RAD51B: variants seen among roughly 807,000 people sequenced by gnomAD.
RAD51B encodes DNA repair protein RAD51 homolog 2.
A neutral mutation model predicts 42.2 loss-of-function variants in RAD51B; 38 were observed. That is an observed-to-expected ratio of 0.90 (90% CI 0.70 to 1.18). The LOEUF (loss-of-function observed/expected upper bound fraction) is 1.18, where lower values mean the gene tolerates loss of function less well. Ranked by LOEUF, RAD51B falls within the 50% of genes most tolerant of loss-of-function variation. The probability of loss-of-function intolerance (pLI) is 0.00; values close to 1 mark genes in which losing one functional copy is unlikely to be tolerated. For synonymous variants in RAD51B, 154 were observed against 145.2 expected, an observed-to-expected ratio of 1.06 and a Z score of -0.43; for missense variants, 373 against 400.7, an observed-to-expected ratio of 0.93 and a Z score of 0.59.
chr14:68,304,792 T>C (rs2139703682), intron 8 of RAD51B, among the ~76,000 whole-genome samples: 1 of 152,326 alleles, frequency 6.6e-6, no homozygotes, highest in Non-Finnish European at 1.5e-5. Context: ...CCTTTCAGTT[T>C]GCTTCTTCTG....
chr14:68,537,577 T>G (rs1003675249), intron 10 of RAD51B, among the ~76,000 whole-genome samples: 9 of 152,172 alleles, frequency 5.9e-5, no homozygotes, highest in Non-Finnish European at 1.5e-5. Flanking sequence ...CAATATCCTT[T>G]TAAGATCAGT....
At chr14:68,350,214 A>T (rs1212947260) in intron 8 of RAD51B, among the ~76,000 whole-genome samples, 1 of 152,254 alleles carries the variant, frequency 6.6e-6, no homozygotes, top group Non-Finnish European at 1.5e-5. Flanking sequence ...AGGGCTTGTT[A>T]ACGCTGGATA....
intron 4 of RAD51B, among the ~76,000 whole-genome samples, chr14:67,856,498 G>C (rs1381033359): frequency 6.6e-6 from 1 of 152,094 alleles, no homozygotes; most frequent in Non-Finnish European, 1.5e-5. Flanking sequence ...TTAGATGCTG[G>C]AGGTCATTAA....
In RAD51B at chr14:67,886,216, TTATC is replaced by T. The variant is rs374227243; in HGVS notation, c.572+232_572+235del. On this transcript the variant is annotated intron_variant, in intron 6 of 10. Coordinates refer to ENST00000471583, the MANE Select transcript of RAD51B (RefSeq NM_133510.4). ...TTTAATTAATTAAGTGGTGTATTAT[TTATC>T]TATTGTTTCATTAACAAATTGTCTC... Among the ~76,000 whole-genome samples the T allele has an allele frequency of 6.4e-4, 97 of 152,368 alleles. 1 individual carries two copies. Among genetic ancestry groups the T allele is most frequent in the African/African-American group, 1.9e-3 (78 of 41,590 alleles).
Position 68,587,042 on chromosome 14 carries a change from G to C in RAD51B, c.1037-7443G>C, listed in dbSNP as rs115482895. On this transcript the variant is annotated intron_variant, in intron 10 of 10. Transcript: ENST00000487270. Reference sequence around the variant, plus strand: ...TCTGTCTCAAAAAAAAAAAAAATTGGCTCCTTCCAGCTTTGAGATCCTGAG... The same window carrying C: ...TCTGTCTCAAAAAAAAAAAAAATTGCCTCCTTCCAGCTTTGAGATCCTGAG... Among the ~76,000 whole-genome samples, 1,312 of 152,066 alleles carry C rather than the reference G, an allele frequency of 8.6e-3. 15 individuals carry two copies. Among genetic ancestry groups the C allele is most frequent in the African/African-American group, 0.03 (1,225 of 41,448 alleles).
At chr14:68,241,504 T>C (rs751390316) in intron 7 of RAD51B, among the ~76,000 whole-genome samples, 3 of 152,114 alleles carry the variant, frequency 2.0e-5, no homozygotes, top group Non-Finnish European at 4.4e-5. Flanking sequence ...ATCGCGCCAC[T>C]GCACTCCAGC....
chr14:68,218,668 T>C (rs1287481375), intron 7 of RAD51B, among the ~76,000 whole-genome samples: 2 of 152,184 alleles, frequency 1.3e-5, no homozygotes, highest in African/African-American at 4.8e-5. Flanking sequence ...AAACACATAG[T>C]TAAAAACTGT....
chr14:68,626,916 T>G (rs1440170771), intron 10 of RAD51B, among the ~76,000 whole-genome samples: 1 of 152,144 alleles, frequency 6.6e-6, no homozygotes, highest in African/African-American at 2.4e-5. Flanking sequence ...ATAACATGCC[T>G]TTGTTGAACC....
chr14:68,450,924 C>T (rs2085543202), intron 9 of RAD51B, among the ~76,000 whole-genome samples: 1 of 152,190 alleles, frequency 6.6e-6, no homozygotes, highest in South Asian at 2.1e-4. Context: ...CTTAGCATGA[C>T]TGTGGGGGCT....
At chr14:67,944,685 C>T (rs963750877) in intron 7 of RAD51B, among the ~76,000 whole-genome samples, 3 of 152,078 alleles carry the variant, frequency 2.0e-5, no homozygotes, top group Non-Finnish European at 2.9e-5. Context: ...ATCAGAGATA[C>T]TTAGTAACTT....
chr14:68,115,496 GTAAC>G (rs1254504560), intron 7 of RAD51B, among the ~76,000 whole-genome samples: 1 of 131,120 alleles, frequency 7.6e-6, no homozygotes, highest in Non-Finnish European at 1.6e-5. Context: ...GTATACATAT[GTAAC>G]TAACCTGCAC....
chr14:68,653,756 C>T (rs1892751048), intron 11 of RAD51B, among the ~76,000 whole-genome samples: 1 of 152,252 alleles, frequency 6.6e-6, no homozygotes, highest in East Asian at 1.9e-4. Context: ...GACACGAACA[C>T]AGGCCCATGC....
intron 5 of RAD51B, among the ~76,000 whole-genome samples, chr14:67,883,686 C>T (rs2042984044): frequency 6.6e-6 from 1 of 152,156 alleles, no homozygotes; most frequent in African/African-American, 2.4e-5. Flanking sequence ...CTTCATTTTC[C>T]TCTACAGCCT....
At chr14:68,280,874 A>G (rs2081307914) in intron 7 of RAD51B, among the ~76,000 whole-genome samples, 2 of 152,254 alleles carry the variant, frequency 1.3e-5, no homozygotes, top group South Asian at 4.1e-4. Context: ...GGCTGGGAAC[A>G]TAGGGAAACT....
intron 10 of RAD51B, among the ~76,000 whole-genome samples, chr14:68,586,580 A>C (rs1459691327): frequency 6.6e-6 from 1 of 152,208 alleles, no homozygotes; most frequent in Non-Finnish European, 1.5e-5. Context: ...GTGGGCCCAA[A>C]GAGTAGGGCC....
At chr14:67,980,117 T>C (rs1306867759) in intron 7 of RAD51B, among the ~76,000 whole-genome samples, 1 of 152,080 alleles carries the variant, frequency 6.6e-6, no homozygotes, top group Admixed American at 6.6e-5. Flanking sequence ...TTTCTATTAC[T>C]GTAGCATCTT....
chr14:68,672,970 A>G (rs1030145220), intron 11 of RAD51B, among the ~76,000 whole-genome samples: 1 of 152,202 alleles, frequency 6.6e-6, no homozygotes, highest in African/African-American at 2.4e-5. Context: ...AACATTCTCT[A>G]CTAGGTGGGT....
chr14:68,174,190 G>C (rs1396043413), intron 7 of RAD51B, among the ~76,000 whole-genome samples: 3 of 152,062 alleles, frequency 2.0e-5, no homozygotes, highest in African/African-American at 7.2e-5. Flanking sequence ...CCACTTTCTG[G>C]TAGATTATTT....
intron 7 of RAD51B, among the ~76,000 whole-genome samples, chr14:67,910,969 A>G (rs895228443): frequency 1.3e-5 from 2 of 151,854 alleles, no homozygotes; most frequent in African/African-American, 4.8e-5. Context: ...GCTCCACCAC[A>G]CCCGGCTAAT....
Sources: gnomAD v4.1 joint callset for allele counts (sites outside exome capture counted in the v4.1 genomes callset) on GRCh38, gnomAD v4.1.1 for gene constraint, MANE v1.5 for transcripts, NCBI Gene and HGNC (gene_info 2026-07-23, HGNC 2026-07-21) for gene names.